Variants in TBC1D1 observed in about 807,000 individuals in gnomAD.
TBC1D1 encodes TBC1 domain family member 1, also known as TBC1 (tre-2/USP6, BUB2, cdc16) domain family, member 1.
In TBC1D1, 89 loss-of-function variants were observed where a neutral mutation model predicts 125.6. That is an observed-to-expected ratio of 0.71 (90% CI 0.60 to 0.85). TBC1D1 has a LOEUF of 0.85. TBC1D1 is among the 40% of genes least tolerant of loss of function. TBC1D1 has a pLI of 0.00. For missense variants in TBC1D1, 1,377 were observed against 1,469.2 expected (o/e 0.94, Z 1.03); for synonymous variants, 565 against 564.1 (o/e 1.00, Z -0.02).
chr4:37,935,815 G>A (rs1384891409), intron 2 of TBC1D1, among the ~76,000 whole-genome samples: 2 of 152,066 alleles, frequency 1.3e-5, no homozygotes, highest in Non-Finnish European at 2.9e-5. Flanking sequence ...CCCTCCCAAT[G>A]GCTTACATCT....
chr4:38,062,769 G>T (rs1206927355), intron 12 of TBC1D1, among the ~76,000 whole-genome samples: 1 of 152,114 alleles, frequency 6.6e-6, no homozygotes, highest in Non-Finnish European at 1.5e-5. Flanking sequence ...GCTTTTCCTA[G>T]TGAACCTCCG....
At position 37,942,352 on chromosome 4, in the gene TBC1D1, C is replaced by CTT. The variant is rs569587262; in HGVS notation, c.417+39847_417+39848dup. Among the ~76,000 whole-genome samples the CTT allele has an allele frequency of 6.6e-3, 1,007 of 151,846 alleles. 10 individuals carry two copies. Among genetic ancestry groups the CTT allele is most frequent in the African/African-American group, 0.023 (969 of 41,414 alleles). On this transcript the variant is annotated intron_variant, in intron 2 of 19. Transcript: ENST00000261439. ...CAGAGACTAGGATTGCAACCCCTGCCTTTTTTTTGTTTTCCATTTGCTTGT... is the reference window on the plus strand; with the variant it reads ...CAGAGACTAGGATTGCAACCCCTGCCTTTTTTTTTTGTTTTCCATTTGCTTGT...
chr4:38,069,437 C>CA (rs898103521), intron 12 of TBC1D1, among the ~76,000 whole-genome samples: 3 of 152,026 alleles, frequency 2.0e-5, no homozygotes, highest in Admixed American at 6.5e-5. Flanking sequence ...TTGCAAGAAA[C>CA]AAAAAAATGA....
At chr4:38,056,823 C>T (rs1188995060) in intron 12 of TBC1D1, among the ~76,000 whole-genome samples, 1 of 152,118 alleles carries the variant, frequency 6.6e-6, no homozygotes, top group East Asian at 1.9e-4. Context: ...GTGGGGGAGT[C>T]ATGTCTATAC....
chr4:38,002,061 C>A (rs771018677), intron 2 of TBC1D1, among the ~76,000 whole-genome samples: 6 of 152,246 alleles, frequency 3.9e-5, no homozygotes, highest in Non-Finnish European at 7.4e-5. Flanking sequence ...CTGCTTCAGT[C>A]CCTGGGATGT....
intron 13 of TBC1D1, among the ~76,000 whole-genome samples, chr4:38,091,068 C>T (rs1356698062): frequency 1.3e-5 from 2 of 152,212 alleles, no homozygotes; most frequent in Non-Finnish European, 2.9e-5. Flanking sequence ...GATAGACGTT[C>T]TCTGTGCATG....
At chr4:38,085,175 G>A (rs1373494086) in intron 12 of TBC1D1, among the ~76,000 whole-genome samples, 1 of 152,128 alleles carries the variant, frequency 6.6e-6, no homozygotes, top group African/African-American at 2.4e-5. Context: ...CTAAAATATC[G>A]ACATACCAGC....
chr4:38,105,497 T>C (rs1761150211), intron 15 of TBC1D1, among the ~76,000 whole-genome samples: 1 of 152,150 alleles, frequency 6.6e-6, no homozygotes, highest in African/African-American at 2.4e-5. Context: ...AAAGGTGTAT[T>C]GTGTGATGCT....
At chr4:38,120,294 G>T (rs1159018948) in intron 17 of TBC1D1, among the ~76,000 whole-genome samples, 1 of 152,208 alleles carries the variant, frequency 6.6e-6, no homozygotes, top group African/African-American at 2.4e-5. Context: ...TCTCAAGGCC[G>T]CACTGGCTTG....
At chr4:37,968,945 G>A (rs192663095) in intron 2 of TBC1D1, among the ~76,000 whole-genome samples, 5 of 152,330 alleles carry the variant, frequency 3.3e-5, no homozygotes, top group Admixed American at 2.6e-4. Flanking sequence ...TGATAGGAAT[G>A]TACCAGAGAC....
chr4:38,111,197 C>T (rs1762143648), intron 15 of TBC1D1, among the ~76,000 whole-genome samples: 1 of 152,202 alleles, frequency 6.6e-6, no homozygotes, highest in African/African-American at 2.4e-5. Context: ...CCAGGAAATG[C>T]TTTTAATCCC....
chr4:38,049,822 C>T lies in TBC1D1; in HGVS notation c.1834C>T (p.Arg612Trp), dbSNP rs755686916. ...ATGCCAGGAACCTCCACAACCTGCC[C>T]GGGGGTCCCCGGGGGTTTCGCAAAG... is the stretch of plus-strand genomic sequence containing the variant. Residue 612 changes from arginine to tryptophan, a missense_variant, in exon 11 of 20, where the codon CGG (arginine) becomes TGG (tryptophan). By Grantham distance (101) the Arg-to-Trp change is moderately radical. Coordinates refer to ENST00000261439, the MANE Select transcript of TBC1D1 (RefSeq NM_015173.4). 10 of 1,613,990 alleles carry T rather than the reference C, an allele frequency of 6.2e-6. No homozygotes were observed. The highest frequency in any genetic ancestry group is 2.2e-5 in the South Asian group (2 of 91,076).
At chr4:37,958,106 C>G (rs1343736160) in intron 2 of TBC1D1, among the ~76,000 whole-genome samples, 2 of 152,208 alleles carry the variant, frequency 1.3e-5, no homozygotes, top group Admixed American at 1.3e-4. Flanking sequence ...CCCCTTTTCT[C>G]ATATACGTTT....
chr4:38,037,229 T>C (rs537747520), intron 8 of TBC1D1, among the ~76,000 whole-genome samples: 10 of 152,028 alleles, frequency 6.6e-5, no homozygotes, highest in Non-Finnish European at 1.5e-4. Context: ...CAGCATAATA[T>C]TTTTATGATT....
intron 8 of TBC1D1, among the ~76,000 whole-genome samples, chr4:38,043,070 T>G (rs148478149): frequency 0.013 from 2,004 of 152,058 alleles, 43 homozygotes; most frequent in African/African-American, 0.045. Context: ...CCCGGCTGTT[T>G]TTTGTATTTT....
intron 12 of TBC1D1, among the ~76,000 whole-genome samples, chr4:38,061,774 A>C (rs914569687): frequency 3.9e-5 from 6 of 152,232 alleles, no homozygotes; most frequent in African/African-American, 1.4e-4. Flanking sequence ...GTAATGCCTA[A>C]ACTGAAGTAT....
intron 2 of TBC1D1, among the ~76,000 whole-genome samples, chr4:37,978,380 C>A (rs1391841891): frequency 2.0e-5 from 3 of 152,196 alleles, no homozygotes; most frequent in Non-Finnish European, 4.4e-5. Context: ...CGGCGCCTTC[C>A]CAGGGCTTGT....
chr4:38,088,444 A>G (rs1486127430), intron 12 of TBC1D1, among the ~76,000 whole-genome samples: 2 of 152,228 alleles, frequency 1.3e-5, no homozygotes, highest in African/African-American at 2.4e-5. Context: ...ATGTAAACCA[A>G]TATTTTGTCC....
chr4:38,017,797 A>G (rs995171691), intron 3 of TBC1D1, among the ~76,000 whole-genome samples: 1 of 152,170 alleles, frequency 6.6e-6, no homozygotes, highest in Non-Finnish European at 1.5e-5. Flanking sequence ...GCGTGTGCAC[A>G]CAGAGTAGGT....
Sources: gnomAD v4.1 joint callset for allele counts (sites outside exome capture counted in the v4.1 genomes callset) on GRCh38, gnomAD v4.1.1 for gene constraint, MANE v1.5 for transcripts, NCBI Gene and HGNC (gene_info 2026-07-23, HGNC 2026-07-21) for gene names.